Variants in TMEM119 observed in about 807,000 individuals in gnomAD.
The protein encoded by TMEM119 is osteoblast induction factor.
For synonymous variants in TMEM119, 182 were observed against 176.4 expected (o/e 1.03, Z -0.25); for missense variants, 410 against 381.0 (o/e 1.08, Z -0.63).
At position 108,590,252 on chromosome 12, in the gene TMEM119, G is replaced by A. The variant is rs1696152135; in HGVS notation, c.*1280C>T. The A allele has an allele frequency of 6.6e-6, 1 of 152,160 alleles. No individual in the cohort carries two copies. The highest frequency in any genetic ancestry group is 2.1e-4 in the South Asian group (1 of 4,828). The allele number at this position is 152,160 out of a possible 1,614,324, so 9.4% of individuals were successfully genotyped here. On this transcript the variant is annotated 3_prime_UTR_variant, in exon 2 of 2. Coordinates refer to ENST00000392806, the MANE Select transcript of TMEM119 (RefSeq NM_181724.3). ...TGAGAAACTCACCCCCAGGCCGGGG[G>A]TGCTTGGAGAGCGCTTGAGAGGATT...
Position 108,592,247 on chromosome 12 carries a change from C to A in TMEM119, c.137G>T (p.Gly46Val). The change falls in exon 2 of 2, where the codon GGC becomes GTC. Residue 46 changes from glycine (G) to valine (V), a missense_variant. Gly to Val is a moderately radical substitution (Grantham distance 109, BLOSUM62 -3). Coordinates refer to ENST00000392806, the MANE Select transcript of TMEM119 (RefSeq NM_181724.3). The surrounding 1 kb of genome is among the most constrained non-coding windows in gnomAD (Gnocchi z 4.3). ...GAGGCTCGGGGAGGAGGCCGACGAG[C>A]CCTCGGCCTCCCCACTACCCGCCAC... The part of the protein sequence containing the change: ...EDVAGSGEAE[G>V]SSASSPSLPP... The A allele has an allele frequency of 6.3e-7, 1 of 1,597,276 alleles. No individual in the cohort carries two copies. The highest frequency in any genetic ancestry group is 1.3e-5 in the African/African-American group (1 of 74,678).
chr12:108,592,182 C>T lies in TMEM119; in HGVS notation c.202G>A (p.Gly68Arg), dbSNP rs1173336320. 6.2e-7 allele frequency: 1 copy of T among 1,613,762 alleles called. No homozygotes were observed. Among genetic ancestry groups the T allele is most frequent in the South Asian group, 1.1e-5 (1 of 91,078 alleles). Residue 68 changes from glycine (G) to arginine (R), a missense_variant, in exon 2 of 2, where the codon GGG becomes AGG. Transcript: ENST00000392806. The surrounding 1 kb of genome is among the most constrained non-coding windows in gnomAD (Gnocchi z 4.3). ...CCCCCCAGGGTTATGGGCTGGGGCCCCATCGATGTGGGGCTGAGGGCCGGG... is the reference window on the plus strand; with the variant it reads ...CCCCCCAGGGTTATGGGCTGGGGCCTCATCGATGTGGGGCTGAGGGCCGGG... The part of the protein sequence containing the change: ...WTPALSPTSM[G>R]PQPITLGGPS...
intron 1 of TMEM119, among the ~76,000 whole-genome samples, chr12:108,594,006 G>T: frequency 6.6e-6 from 1 of 152,200 alleles, no homozygotes. Flanking sequence ...AGAGACAGAG[G>T]CCCGGAGAAG....
At position 108,591,396 on chromosome 12, in the gene TMEM119, G is replaced by T; in HGVS notation, c.*136C>A. ...AGCATTTCTGCCTGCTGTAGAATCA[G>T]CACATGCTGGGATTGGCACCACAGG... On this transcript the variant is annotated 3_prime_UTR_variant, in exon 2 of 2. Transcript: ENST00000392806. The surrounding 1 kb of genome is among the most constrained non-coding windows in gnomAD (Gnocchi z 4.2). The T allele has an allele frequency of 9.6e-7, 1 of 1,043,974 alleles. No individual in the cohort carries two copies. Among genetic ancestry groups the T allele is most frequent in the Non-Finnish European group, 1.4e-6 (1 of 728,114 alleles). 64.7% of individuals were successfully genotyped at this position (1,043,974 alleles called of 1,614,324 possible).
At chr12:108,594,144 A>G (rs533653719) in intron 1 of TMEM119, 4 of 152,356 alleles carry the variant, frequency 2.6e-5, no homozygotes, top group African/African-American at 9.6e-5. Context: ...AGCAGAGGAC[A>G]CTACCTTCCC....
intron 1 of TMEM119, chr12:108,594,463 G>C (rs1487535436): frequency 1.3e-5 from 2 of 149,524 alleles, no homozygotes; most frequent in East Asian, 4.0e-4. Flanking sequence ...GACCGAGGTG[G>C]GAGAATCGCC....
At chr12:108,597,404 C>T (rs914943229) in intron 1 of TMEM119, among the ~76,000 whole-genome samples, 3 of 151,918 alleles carry the variant, frequency 2.0e-5, no homozygotes, top group Non-Finnish European at 2.9e-5. Flanking sequence ...GGACAGGGAC[C>T]TGGGCCCTGG....
intron 1 of TMEM119, among the ~76,000 whole-genome samples, chr12:108,593,984 G>C (rs781686118): frequency 2.0e-5 from 3 of 152,196 alleles, no homozygotes; most frequent in Non-Finnish European, 4.4e-5. Context: ...AGGCCTCAGG[G>C]AACTGAGGTG....
At chr12:108,595,523 C>G (rs1195824000) in intron 1 of TMEM119, among the ~76,000 whole-genome samples, 1 of 151,366 alleles carries the variant, frequency 6.6e-6, no homozygotes, top group Non-Finnish European at 1.5e-5. Context: ...CCCATATACA[C>G]CCCACACACA....
At position 108,591,603 on chromosome 12, in the gene TMEM119, G is replaced by T. The variant is rs200406515; in HGVS notation, c.781C>A (p.Gln261Lys). ...GGACCCACTGGTCCCTGGGCTTCCT[G>T]GGCTAACAAGAGAGACCCTTCCAGC... ...GELEGSLLLAQEAQGPVGPPE... is the reference protein window; with the variant it reads ...GELEGSLLLAKEAQGPVGPPE... Residue 261 changes from glutamine (Q) to lysine (K), a missense_variant, in exon 2 of 2, where the codon CAG (glutamine) becomes AAG (lysine). Transcript: ENST00000392806. This position sits in a 1 kb window ranked among gnomAD's most constrained non-coding sequence, Gnocchi z 4.2. 1.2e-6 allele frequency: 2 copies of T among 1,613,762 alleles called. No individual in the cohort carries two copies. The highest frequency in any genetic ancestry group is 1.7e-6 in the Non-Finnish European group (2 of 1,179,932).
Position 108,591,941 on chromosome 12 carries a change from C to T in TMEM119, c.443G>A (p.Arg148Gln), listed in dbSNP as rs766045911. The T allele has an allele frequency of 3.2e-5, 51 of 1,612,342 alleles. No individual in the cohort carries two copies. In the East Asian group the frequency reaches 7.1e-4, roughly 23 times the overall value. ...VDQSDRAGGP[R>Q]AFSEVPDRAP... is the part of the protein sequence containing the mutation. ...TCTGTCGGGGACCTCACTGAAGGCC[C>T]GGGGGCCCCCGGCCCGGTCACTCTG... The change falls in exon 2 of 2, where the codon CGG becomes CAG. Residue 148 changes from arginine to glutamine, a missense_variant. By Grantham distance (43) the Arg-to-Gln change is conservative. Transcript: ENST00000392806. The surrounding 1 kb of genome is among the most constrained non-coding windows in gnomAD (Gnocchi z 4.2).
At position 108,592,239 on chromosome 12, in the gene TMEM119, C is replaced by T; in HGVS notation, c.145G>A (p.Ala49Thr). 4 of 1,607,702 alleles carry T rather than the reference C, an allele frequency of 2.5e-6. No individual in the cohort carries two copies. Among genetic ancestry groups the T allele is most frequent in the Non-Finnish European group, 3.4e-6 (4 of 1,178,240 alleles). The change falls in exon 2 of 2, where the codon GCC (alanine) becomes ACC (threonine). Residue 49 changes from alanine to threonine, a missense_variant. Coordinates refer to ENST00000392806, the MANE Select transcript of TMEM119 (RefSeq NM_181724.3). The surrounding 1 kb of genome is among the most constrained non-coding windows in gnomAD (Gnocchi z 4.3). Reference sequence around the variant, plus strand: ...GGTGGCGGGAGGCTCGGGGAGGAGGCCGACGAGCCCTCGGCCTCCCCACTA... The same window carrying T: ...GGTGGCGGGAGGCTCGGGGAGGAGGTCGACGAGCCCTCGGCCTCCCCACTA... ...AGSGEAEGSSASSPSLPPPWT... is the reference protein window; with the variant it reads ...AGSGEAEGSSTSSPSLPPPWT...
rs142078472 is a variant in TMEM119, at chr12:108,596,317, A to T, written c.-15+1653T>A. Among the ~76,000 whole-genome samples, 1,080 of 152,218 alleles carry T rather than the reference A, an allele frequency of 7.1e-3. 11 individuals carry two copies. Among genetic ancestry groups the T allele is most frequent in the African/African-American group, 0.025 (1,024 of 41,520 alleles). On this transcript the variant is annotated intron_variant, in intron 1 of 1. Transcript: ENST00000392806. ...AAAGACCAACCTTTTCACCCCGTTC[A>T]GTGAAACCTCTTTAGCTCTGGCCGC... is the stretch of plus-strand genomic sequence containing the variant.
At position 108,593,393 on chromosome 12, in the gene TMEM119, G is replaced by A. The variant is rs1397403040; in HGVS notation, c.-14-996C>T. 7.2e-5 allele frequency among the ~76,000 whole-genome samples: 11 copies of A among 152,000 alleles called. No individual in the cohort carries two copies. In the East Asian group the frequency reaches 9.7e-4, roughly 13 times the overall value. ...TGGGAGGCGGAGGTTGCAGTGAGCC[G>A]AGATCGCGCCACTGCACACTCCAGC... On this transcript the variant is annotated intron_variant, in intron 1 of 1. Coordinates refer to ENST00000392806, the MANE Select transcript of TMEM119 (RefSeq NM_181724.3).
rs1052121560 is a variant in TMEM119, at chr12:108,591,544, G to A, written c.840C>T (p.His280=). Residue 280 remains histidine (H), a synonymous_variant, in exon 2 of 2, where the codon CAC becomes CAT. Transcript: ENST00000392806. This position sits in a 1 kb window ranked among gnomAD's most constrained non-coding sequence, Gnocchi z 4.2. ...PESPCACSSV[H]PSV ...CCCGGGAGGACTGTTAGACACTGGG[G>A]TGGACACTGCTGCAAGCACAGGGGC... The A allele has an allele frequency of 2.5e-6, 4 of 1,606,474 alleles. No individual in the cohort carries two copies. Among genetic ancestry groups the A allele is most frequent in the Non-Finnish European group, 2.6e-6 (3 of 1,176,148 alleles).
Position 108,589,857 on chromosome 12 carries a change from A to T in TMEM119, c.*1675T>A, listed in dbSNP as rs1375114790. ...AAAACTGGTGAGACTTCAGGCCGGA[A>T]TAAAGGTTTATTGTGCTGGTGCATT... is the stretch of plus-strand genomic sequence containing the variant. On this transcript the variant is annotated 3_prime_UTR_variant, in exon 2 of 2. Transcript: ENST00000392806. 1 of 152,286 alleles carries T rather than the reference A, an allele frequency of 6.6e-6. No individual in the cohort carries two copies. Among genetic ancestry groups the T allele is most frequent in the Non-Finnish European group, 1.5e-5 (1 of 68,112 alleles). 9.4% of individuals were successfully genotyped at this position (152,286 alleles called of 1,614,324 possible).
In TMEM119 at chr12:108,592,095, G is replaced by C. The variant is rs558246886; in HGVS notation, c.289C>G (p.Leu97Val). ...IVDFFRQYVM[L>V]IAVVGSLAFL... ...GCCAGGGAGCCCACCACAGCAATCA[G>C]CATCACGTACTGGCGGAAGAAGTCC... Residue 97 changes from leucine to valine, a missense_variant, in exon 2 of 2, where the codon CTG becomes GTG. By Grantham distance (32) the Leu-to-Val change is conservative. Coordinates refer to ENST00000392806, the MANE Select transcript of TMEM119 (RefSeq NM_181724.3). The surrounding 1 kb of genome is among the most constrained non-coding windows in gnomAD (Gnocchi z 4.3). 455 of 1,614,200 alleles carry C rather than the reference G, an allele frequency of 2.8e-4. 3 individuals carry two copies. The South Asian group carries it at 4.7e-3, about 17-fold the overall frequency.
In TMEM119 at chr12:108,592,527, G is replaced by C. The variant is rs907282066; in HGVS notation, c.-14-130C>G. ...TTCTAGCAAGTCCCTTCCATTCCCA[G>C]GGCCTGAGCCCCGCTGGTTCAGCTG... On this transcript the variant is annotated intron_variant, in intron 1 of 1. Transcript: ENST00000392806. This position sits in a 1 kb window ranked among gnomAD's most constrained non-coding sequence, Gnocchi z 4.3. The C allele has an allele frequency of 1.9e-6, 2 of 1,043,292 alleles. No individual in the cohort carries two copies. The highest frequency in any genetic ancestry group is 1.3e-6 in the Non-Finnish European group (1 of 741,640). 64.6% of individuals were successfully genotyped at this position (1,043,292 alleles called of 1,614,324 possible).
chr12:108,596,948 C>T (rs556747961), intron 1 of TMEM119, among the ~76,000 whole-genome samples: 9 of 152,324 alleles, frequency 5.9e-5, no homozygotes, highest in South Asian at 4.1e-4. Context: ...GGTCACTTCC[C>T]GGCTATGTGT....
Sources: gnomAD v4.1 joint callset for allele counts (sites outside exome capture counted in the v4.1 genomes callset) on GRCh38, gnomAD v4.1.1 for gene constraint, Gnocchi (gnomAD v3.1) non-coding constraint, MANE v1.5 for transcripts, NCBI Gene and HGNC (gene_info 2026-07-23, HGNC 2026-07-21) for gene names.